ZFR2: variants seen among roughly 807,000 people sequenced by gnomAD.
ZFR2 encodes the protein zinc finger RNA binding protein 2.
Under a neutral mutation model 105.7 loss-of-function variants are expected in ZFR2, and 104 were observed. That is an observed-to-expected ratio of 0.98 (90% CI 0.84 to 1.16). ZFR2 has a LOEUF of 1.16. Among genes scored for constraint, ZFR2 ranks in the 50% most tolerant of loss-of-function variants. The probability of loss-of-function intolerance (pLI) is 0.00; values close to 1 mark genes in which losing one functional copy is unlikely to be tolerated. For missense variants in ZFR2, 1,425 were observed against 1,355.5 expected (o/e 1.05, Z -0.80); for synonymous variants, 634 against 597.7 (o/e 1.06, Z -0.89).
chr19:3,806,274 C>T (rs929707189), intron 18 of ZFR2, 149 bp from the exon 19 acceptor site: 8 of 913,434 alleles, frequency 8.8e-6, no homozygotes, highest in Non-Finnish European at 1.2e-5. Context: ...CCGCCGCTTT[C>T]TTTTTTGAGA....
chr19:3,819,300 C>CGGGCAGGTGGGCAGGTGGGGGCAGGT, intron 11 of ZFR2, 65 bp from the exon 12 acceptor site: 2 of 1,401,334 alleles, frequency 1.4e-6, no homozygotes, highest in Non-Finnish European at 1.9e-6. Flanking sequence ...GCTGGGCAGG[C>CGGGCAGGTGGGCAGGTGGGGGCAGGT]GGGCAGGTGG....
chr19:3,827,797 G>A (rs2037969234), intron 5 of ZFR2, 144 bp from the exon 6 acceptor site: 1 of 871,780 alleles, frequency 1.1e-6, no homozygotes, highest in African/African-American at 1.8e-5. Context: ...CTGGTGCCAT[G>A]GAGGTTCCAG....
In ZFR2 at chr19:3,831,640, G is replaced by A. The variant is rs1210846868; in HGVS notation, c.598+20C>T. 5 of 1,525,006 alleles carry A rather than the reference G, an allele frequency of 3.3e-6. No individual in the cohort carries two copies. The highest frequency in any genetic ancestry group is 4.4e-6 in the Non-Finnish European group (5 of 1,130,816). The allele number at this position is 1,525,006 out of a possible 1,614,324, so 94.5% of individuals were successfully genotyped here. A position where few individuals can be genotyped will look rare whatever the true frequency, so the allele number is the denominator to read the frequency against. On this transcript the variant is annotated intron_variant, in intron 4 of 18. Transcript: ENST00000262961. ...GGGGACCGACGGGCAGACCACCTGG[G>A]CAAGGAACGCTGGTCTTACCCGTGT...
In ZFR2 at chr19:3,831,811, C is replaced by G. The variant is rs537813555; in HGVS notation, c.447G>C (p.Gln149His). ...GSHSHAQPPQ[Q>H]APIVESGQPA... ...GCTGTCCGGACTCCACTATGGGCGCCTGCTGTGGGGGCTGAGCGTGGCTGT... is the reference window on the plus strand; with the variant it reads ...GCTGTCCGGACTCCACTATGGGCGCGTGCTGTGGGGGCTGAGCGTGGCTGT... The change falls in exon 4 of 19, where the codon CAG (glutamine) becomes CAC (histidine). Residue 149 changes from glutamine (Q) to histidine (H), a missense_variant. Transcript: ENST00000262961. 11 of 1,608,960 alleles carry G rather than the reference C, an allele frequency of 6.8e-6. No homozygotes were observed. Among genetic ancestry groups the G allele is most frequent in the Non-Finnish European group, 9.3e-6 (11 of 1,179,352 alleles).
At chr19:3,846,982 G>A (rs7257518) in intron 1 of ZFR2, among the ~76,000 whole-genome samples, 120,774 of 152,220 alleles carry the variant, frequency 0.79, 48,471 homozygotes, top group African/African-American at 0.91. Flanking sequence ...GGTTGCCAAT[G>A]AGAGGTCAGC....
chr19:3,846,794 T>C (rs897468863), intron 1 of ZFR2, among the ~76,000 whole-genome samples: 2 of 152,264 alleles, frequency 1.3e-5, no homozygotes, highest in Non-Finnish European at 2.9e-5. Context: ...GACTGTTTAC[T>C]TTGAAAACAT....
chr19:3,822,950 A>C (rs1568421847), intron 8 of ZFR2, among the ~76,000 whole-genome samples: 1 of 152,244 alleles, frequency 6.6e-6, no homozygotes, highest in Non-Finnish European at 1.5e-5. Context: ...TCTACTGCCC[A>C]GATCCCTTCC....
rs560230583 is a variant in ZFR2, at chr19:3,834,394, G to T, written c.264+379C>A. On this transcript the variant is annotated intron_variant, in intron 2 of 18. Transcript: ENST00000262961. This position sits in a 1 kb window ranked among gnomAD's most constrained non-coding sequence, Gnocchi z 5.3. ...ATCTGGAGCGTGGGGAAGGTGGGGT[G>T]AGTCCTGGTCTCTCTGGGCCCAGGT... 6.6e-6 allele frequency among the ~76,000 whole-genome samples: 1 copy of T among 152,116 alleles called. No homozygotes were observed. Among genetic ancestry groups the T allele is most frequent in the East Asian group, 1.9e-4 (1 of 5,182 alleles).
intron 1 of ZFR2, among the ~76,000 whole-genome samples, chr19:3,848,639 T>TGCAGTGAGCC (rs2038205978): frequency 6.7e-6 from 1 of 150,282 alleles, no homozygotes; most frequent in South Asian, 2.1e-4. Flanking sequence ...CCTAGTAGGT[T>TGCAGTGAGCC]GAGATCACAC....
chr19:3,856,253 G>C (rs1191673620), intron 1 of ZFR2, among the ~76,000 whole-genome samples: 2 of 152,172 alleles, frequency 1.3e-5, no homozygotes. Flanking sequence ...GCAGGCGCTT[G>C]GACTTGGATA....
chr19:3,853,344 C>G (rs2038262162), intron 1 of ZFR2, among the ~76,000 whole-genome samples: 1 of 152,198 alleles, frequency 6.6e-6, no homozygotes, highest in African/African-American at 2.4e-5. Flanking sequence ...GCCTCCCGCC[C>G]TGCCCTGATC....
intron 1 of ZFR2, among the ~76,000 whole-genome samples, chr19:3,867,370 G>A (rs1176613932): frequency 6.6e-6 from 1 of 152,044 alleles, no homozygotes; most frequent in Admixed American, 6.5e-5. Flanking sequence ...CCAGTCTTGG[G>A]GGCAGATGGA....
At chr19:3,855,240 T>C (rs903466384) in intron 1 of ZFR2, among the ~76,000 whole-genome samples, 1 of 152,034 alleles carries the variant, frequency 6.6e-6, no homozygotes, top group African/African-American at 2.4e-5. Context: ...CTACTTTAAA[T>C]CCCAACTTAG....
intron 1 of ZFR2, among the ~76,000 whole-genome samples, chr19:3,845,163 A>G (rs1367075544): frequency 6.6e-6 from 1 of 152,060 alleles, no homozygotes; most frequent in Non-Finnish European, 1.5e-5. Flanking sequence ...TCTTACAGGG[A>G]TCCAGTCGGA....
intron 14 of ZFR2, among the ~76,000 whole-genome samples, chr19:3,811,807 C>T (rs898280181): frequency 6.6e-6 from 1 of 152,024 alleles, no homozygotes; most frequent in African/African-American, 2.4e-5. Flanking sequence ...GTGGCCCAGG[C>T]TGGAGTGCAG....
intron 17 of ZFR2, among the ~76,000 whole-genome samples, chr19:3,807,762 A>G (rs1599216321): frequency 7.2e-6 from 1 of 138,310 alleles, no homozygotes; most frequent in African/African-American, 3.0e-5. Flanking sequence ...ATGCATGTCC[A>G]TGTGTGTGCC....
intron 10 of ZFR2, among the ~76,000 whole-genome samples, 154 bp from the exon 11 acceptor site, chr19:3,820,444 T>C (rs1311452495): frequency 1.3e-5 from 2 of 152,166 alleles, no homozygotes; most frequent in African/African-American, 2.4e-5. Flanking sequence ...GCCTGCTGTA[T>C]GCACAGAAGA....
chr19:3,818,135 G>A (rs2037845971), intron 12 of ZFR2, among the ~76,000 whole-genome samples: 1 of 152,272 alleles, frequency 6.6e-6, no homozygotes, highest in Admixed American at 6.5e-5. Flanking sequence ...CACTTAGACA[G>A]GTTAAAATGC....
chr19:3,813,773 G>A lies in ZFR2; in HGVS notation c.2242+47C>T, dbSNP rs2037796438. ...AGGCCTGGGTGTGGGGAGCGCCCTGGGGAAGCGTGAGGGGGACAGTGGTTG... is the reference window on the plus strand; with the variant it reads ...AGGCCTGGGTGTGGGGAGCGCCCTGAGGAAGCGTGAGGGGGACAGTGGTTG... On this transcript the variant is annotated intron_variant, in intron 14 of 18. Transcript: ENST00000262961. This position sits in a 1 kb window ranked among gnomAD's most constrained non-coding sequence, Gnocchi z 4.4. The A allele has an allele frequency of 1.2e-6, 2 of 1,606,624 alleles. No individual in the cohort carries two copies. Among genetic ancestry groups the A allele is most frequent in the Middle Eastern group, 1.8e-4 (1 of 5,470 alleles).
Sources: gnomAD v4.1 joint callset for allele counts (sites outside exome capture counted in the v4.1 genomes callset) on GRCh38, gnomAD v4.1.1 for gene constraint, Gnocchi (gnomAD v3.1) non-coding constraint, MANE v1.5 for transcripts, NCBI Gene and HGNC (gene_info 2026-07-23, HGNC 2026-07-21) for gene names.